GRM5: variants seen among roughly 807,000 people sequenced by gnomAD.
GRM5 encodes metabotropic glutamate receptor 5.
In GRM5, 19 loss-of-function variants were observed where a neutral mutation model predicts 83.1. That is an observed-to-expected ratio of 0.23 (90% CI 0.16 to 0.34). GRM5 has a LOEUF of 0.34. Among genes scored for constraint, GRM5 ranks in the 10% least tolerant of loss-of-function variants. The probability of loss-of-function intolerance (pLI) is 1.00; values close to 1 mark genes in which losing one functional copy is unlikely to be tolerated. For synonymous variants in GRM5, 675 were observed against 633.6 expected, an observed-to-expected ratio of 1.07 and a Z score of -0.98; for missense variants, 1,160 against 1,588.3, an observed-to-expected ratio of 0.73 and a Z score of 4.58.
chr11:88,734,422 A>G (rs1036979908), intron 3 of GRM5, among the ~76,000 whole-genome samples: 3 of 152,038 alleles, frequency 2.0e-5, no homozygotes, highest in Admixed American at 6.6e-5. Context: ...CAGAAATACC[A>G]TATAATACAA....
At chr11:88,792,269 G>A (rs904333163) in intron 3 of GRM5, among the ~76,000 whole-genome samples, 3 of 152,016 alleles carry the variant, frequency 2.0e-5, no homozygotes, top group Non-Finnish European at 4.4e-5. Flanking sequence ...ATGCACAGAT[G>A]AGTCTGCATG....
At chr11:88,620,656 A>AAAAC (rs1491246943) in intron 4 of GRM5, among the ~76,000 whole-genome samples, 6 of 152,006 alleles carry the variant, frequency 3.9e-5, no homozygotes, top group Non-Finnish European at 7.3e-5. Flanking sequence ...TGTAGGGAAG[A>AAAAC]AAACAAATAG....
At chr11:88,562,973 A>G (rs982957928) in intron 8 of GRM5, among the ~76,000 whole-genome samples, 1 of 152,218 alleles carries the variant, frequency 6.6e-6, no homozygotes, top group Non-Finnish European at 1.5e-5. Context: ...AGAGAATGGT[A>G]GAAGTGTTTG....
rs1249913492 is a variant in GRM5, at chr11:89,033,819, T to C, written c.661+13393A>G. Among the ~76,000 whole-genome samples the C allele has an allele frequency of 3.3e-5, 5 of 151,700 alleles. No individual in the cohort carries two copies. In the East Asian group the frequency reaches 9.7e-4, roughly 29 times the overall value. On this transcript the variant is annotated intron_variant, in intron 2 of 9. Transcript: ENST00000305447. ...AATTCAATCCAAACATCAATTATATTGATTATTCAAAAGAAGAGAAAAAGT... is the reference window on the plus strand; with the variant it reads ...AATTCAATCCAAACATCAATTATATCGATTATTCAAAAGAAGAGAAAAAGT...
At chr11:88,685,408 G>A (rs1370302503) in intron 3 of GRM5, among the ~76,000 whole-genome samples, 1 of 152,218 alleles carries the variant, frequency 6.6e-6, no homozygotes, top group Non-Finnish European at 1.5e-5. Flanking sequence ...AAGGGAAGCA[G>A]AGTGTAAAGG....
chr11:88,924,283 A>T (rs571388188), intron 2 of GRM5, among the ~76,000 whole-genome samples: 32 of 152,184 alleles, frequency 2.1e-4, no homozygotes, highest in African/African-American at 7.2e-4. Flanking sequence ...ACTACTATAA[A>T]ACCAGCAATA....
intron 2 of GRM5, among the ~76,000 whole-genome samples, chr11:88,866,565 A>T (rs1214897549): frequency 6.6e-6 from 1 of 151,968 alleles, no homozygotes; most frequent in Non-Finnish European, 1.5e-5. Flanking sequence ...AAATAAATAC[A>T]TAAAAATAAA....
intron 2 of GRM5, among the ~76,000 whole-genome samples, chr11:89,032,254 T>A (rs1412444537): frequency 6.6e-6 from 1 of 152,076 alleles, no homozygotes; most frequent in African/African-American, 2.4e-5. Flanking sequence ...TTGTTCAAAT[T>A]CTAGTTTATT....
intron 2 of GRM5, among the ~76,000 whole-genome samples, chr11:88,869,249 G>A (rs1443076520): frequency 6.6e-6 from 1 of 151,622 alleles, no homozygotes. Context: ...CACTGAAAGG[G>A]TGAATCACTT....
intron 3 of GRM5, among the ~76,000 whole-genome samples, chr11:88,843,422 A>G (rs1261326487): frequency 6.6e-6 from 1 of 152,308 alleles, no homozygotes; most frequent in East Asian, 1.9e-4. Context: ...TGTTAGGAAC[A>G]TGCTACTGTT....
At chr11:88,874,359 G>C (rs565966147) in intron 2 of GRM5, among the ~76,000 whole-genome samples, 1 of 151,712 alleles carries the variant, frequency 6.6e-6, no homozygotes, top group African/African-American at 2.4e-5. Flanking sequence ...CCTTAATAAA[G>C]GGTGATGATA....
At chr11:88,527,469 G>T (rs566877938) in intron 8 of GRM5, among the ~76,000 whole-genome samples, 1 of 152,116 alleles carries the variant, frequency 6.6e-6, no homozygotes, top group South Asian at 2.1e-4. Flanking sequence ...TGAAGAAAAA[G>T]GAATGCTTAC....
chr11:88,622,540 T>A (rs148792235), intron 4 of GRM5, among the ~76,000 whole-genome samples: 2 of 152,176 alleles, frequency 1.3e-5, no homozygotes, highest in Admixed American at 1.3e-4. Flanking sequence ...TTCCTTTGAT[T>A]TATGGGATCA....
At chr11:88,637,308 T>G (rs1343979018) in intron 4 of GRM5, among the ~76,000 whole-genome samples, 1 of 151,480 alleles carries the variant, frequency 6.6e-6, no homozygotes, top group South Asian at 2.1e-4. Context: ...ACAAATGGGA[T>G]CTAATTAAAC....
At chr11:88,623,326 G>T (rs954735055) in intron 4 of GRM5, among the ~76,000 whole-genome samples, 7 of 151,790 alleles carry the variant, frequency 4.6e-5, no homozygotes, top group Non-Finnish European at 1.0e-4. Flanking sequence ...ATTTAGTAGA[G>T]ACTATGTTGG....
chr11:88,531,631 T>A (rs546811253), intron 8 of GRM5, among the ~76,000 whole-genome samples: 1 of 152,172 alleles, frequency 6.6e-6, no homozygotes, highest in African/African-American at 2.4e-5. Context: ...TGAGAACATA[T>A]TTGGTTAAAA....
At chr11:88,669,681 A>G (rs2135330432) in intron 3 of GRM5, among the ~76,000 whole-genome samples, 1 of 151,966 alleles carries the variant, frequency 6.6e-6, no homozygotes, top group African/African-American at 2.4e-5. Context: ...TACAAATTAA[A>G]AATTTAAATA....
intron 2 of GRM5, chr11:88,912,046 C>T: frequency 4.3e-6 from 2 of 468,600 alleles, no homozygotes; most frequent in South Asian, 1.6e-5. Context: ...AAGTATTGTA[C>T]AATACTGTAA....
intron 3 of GRM5, among the ~76,000 whole-genome samples, chr11:88,796,504 G>A (rs1309667461): frequency 6.6e-6 from 1 of 152,050 alleles, no homozygotes; most frequent in East Asian, 1.9e-4. Context: ...TTGAAGATTA[G>A]ATCAGAACAT....
Sources: gnomAD v4.1 joint callset for allele counts (sites outside exome capture counted in the v4.1 genomes callset) on GRCh38, gnomAD v4.1.1 for gene constraint, MANE v1.5 for transcripts, NCBI Gene and HGNC (gene_info 2026-07-23, HGNC 2026-07-21) for gene names.